TOP3A: variants seen among roughly 807,000 people sequenced by gnomAD.
TOP3A encodes DNA topoisomerase 3-alpha.
A neutral mutation model predicts 111.3 loss-of-function variants in TOP3A; 64 were observed. That is an observed-to-expected ratio of 0.57 (90% CI 0.47 to 0.71). The LOEUF is 0.71. TOP3A is among the 30% of genes least tolerant of loss of function. TOP3A has a pLI of 0.00. For missense variants in TOP3A, 1,104 were observed against 1,285.0 expected (o/e 0.86, Z 2.15); for synonymous variants, 484 against 485.1 (o/e 1.00, Z 0.03).
In TOP3A at chr17:18,314,656, T is replaced by C. The variant is rs1469329563; in HGVS notation, c.123A>G (p.Glu41=). Residue 41 remains glutamate (E), a synonymous_variant, in exon 1 of 19, where the codon GAA becomes GAG. Coordinates refer to ENST00000321105, the MANE Select transcript of TOP3A (RefSeq NM_004618.5). ...RGVRKVLCVA[E]KNDAAKGIAD... Reference sequence around the variant, plus strand: ...CGATCCCCTTGGCCGCGTCGTTTTTTTCGGCCACACAGAGGACTTTCCGCA... The same window carrying C: ...CGATCCCCTTGGCCGCGTCGTTTTTCTCGGCCACACAGAGGACTTTCCGCA... The C allele has an allele frequency of 6.2e-7, 1 of 1,613,550 alleles. No homozygotes were observed. The highest frequency in any genetic ancestry group is 1.1e-5 in the South Asian group (1 of 90,950).
At chr17:18,282,932 T>C (rs1979856739) in intron 15 of TOP3A, 91 bp from the exon 16 acceptor site, 3 of 1,525,684 alleles carry the variant, frequency 2.0e-6, no homozygotes, top group Non-Finnish European at 2.7e-6. Flanking sequence ...AGGCGTGACC[T>C]TGAGAACCAG....
In TOP3A at chr17:18,277,789, T is replaced by G. The variant is rs749928354; in HGVS notation, c.2713A>C (p.Thr905Pro). ...GGTCCATCCTTCTGCACAGTCCGTG[T>G]GACGGAGGGCTGGCTGCAAAGGCAG... Reference protein sequence around the residue: ...TSCLCSQPSVTRTVQKDGPNK... With the variant: ...TSCLCSQPSVPRTVQKDGPNK... The change falls in exon 18 of 19, where the codon ACA becomes CCA. Residue 905 changes from threonine to proline, a missense_variant. Thr to Pro is a conservative substitution (Grantham distance 38, BLOSUM62 -1). Coordinates refer to ENST00000321105, the MANE Select transcript of TOP3A (RefSeq NM_004618.5). 2 of 1,614,064 alleles carry G rather than the reference T, an allele frequency of 1.2e-6. No homozygotes were observed. Among genetic ancestry groups the G allele is most frequent in the South Asian group, 2.2e-5 (2 of 91,092 alleles).
chr17:18,288,370 C>G (rs898788829), intron 13 of TOP3A, among the ~76,000 whole-genome samples: 1 of 151,890 alleles, frequency 6.6e-6, no homozygotes, highest in African/African-American at 2.4e-5. Flanking sequence ...CCAGGCTGGT[C>G]TTGAACTCCT....
At chr17:18,283,401 T>C (rs548959751) in intron 15 of TOP3A, among the ~76,000 whole-genome samples, 1 of 151,714 alleles carries the variant, frequency 6.6e-6, no homozygotes, top group African/African-American at 2.4e-5. Flanking sequence ...ACAGGGTCCA[T>C]GTACAAACTC....
At chr17:18,314,113 G>C (rs897989470) in intron 1 of TOP3A, among the ~76,000 whole-genome samples, 2 of 152,072 alleles carry the variant, frequency 1.3e-5, no homozygotes, top group African/African-American at 2.4e-5. Context: ...TGCACTGTGA[G>C]GCTGGAAAGT....
At position 18,280,653 on chromosome 17, in the gene TOP3A, T is replaced by A; in HGVS notation, c.2027A>T (p.Tyr676Phe). Reference protein sequence around the residue: ...VLKTKKNGGFYLSCMGFPECR... With the variant: ...VLKTKKNGGFFLSCMGFPECR... ...CTCTGGGAAACCCATGCAGCTGAGG[T>A]AGAACCTGGGGACAAAGTGCCATGT... The change falls in exon 17 of 19, where the codon TAC becomes TTC. Residue 676 changes from tyrosine (Y) to phenylalanine (F), a missense_variant. Tyr to Phe is a conservative substitution (Grantham distance 22). Coordinates refer to ENST00000321105, the MANE Select transcript of TOP3A (RefSeq NM_004618.5). 1.2e-6 allele frequency: 2 copies of A among 1,613,874 alleles called. No homozygotes were observed. The highest frequency in any genetic ancestry group is 1.7e-6 in the Non-Finnish European group (2 of 1,179,886).
In TOP3A at chr17:18,278,025, T is replaced by C. The variant is rs1979501606; in HGVS notation, c.2477A>G (p.Lys826Arg). The change falls in exon 18 of 19, where the codon AAG becomes AGG. Residue 826 changes from lysine to arginine, a missense_variant. Physicochemically the swap from Lys to Arg is conservative, Grantham distance 26 (BLOSUM62 2). Coordinates refer to ENST00000321105, the MANE Select transcript of TOP3A (RefSeq NM_004618.5). Reference sequence around the variant, plus strand: ...CTGCCGGCCCCGGTTGGGGCCCTCCTTACGGACAGTGAGCAGCACAGCCTC... The same window carrying C: ...CTGCCGGCCCCGGTTGGGGCCCTCCCTACGGACAGTGAGCAGCACAGCCTC... ...GQEAVLLTVR[K>R]EGPNRGRQFF... is the part of the protein sequence containing the mutation. The C allele has an allele frequency of 1.2e-6, 2 of 1,614,178 alleles. No homozygotes were observed. The highest frequency in any genetic ancestry group is 3.3e-5 in the Admixed American group (2 of 60,034).
Position 18,280,750 on chromosome 17 carries a change from G to A in TOP3A, c.2022-92C>T, listed in dbSNP as rs190166862. On this transcript the variant is annotated intron_variant, in intron 16 of 18. Transcript: ENST00000321105. Reference sequence around the variant, plus strand: ...TAAGGCAGCCTTTCCTCAGCTGCCCGAGGACAACATTCCCTTTTCTGGATG... The same window carrying A: ...TAAGGCAGCCTTTCCTCAGCTGCCCAAGGACAACATTCCCTTTTCTGGATG... 5.1e-3 allele frequency: 7,226 copies of A among 1,430,302 alleles called. 22 individuals are homozygous for A. The highest frequency in any genetic ancestry group is 6.1e-3 in the Non-Finnish European group (6,308 of 1,035,558). 88.6% of individuals were successfully genotyped at this position (1,430,302 alleles called of 1,614,324 possible).
chr17:18,280,064 T>C (rs1979657453), intron 17 of TOP3A: 1 of 152,084 alleles, frequency 6.6e-6, no homozygotes, highest in South Asian at 2.1e-4. Context: ...GGCAGAAGAA[T>C]CACTTCAACC....
At chr17:18,305,347 A>G (rs1981494064) in intron 4 of TOP3A, 127 bp from the exon 5 acceptor site, 1 of 752,988 alleles carries the variant, frequency 1.3e-6, no homozygotes, top group African/African-American at 1.7e-5. Flanking sequence ...TGGCAAGGGA[A>G]AGAGAACAGA....
intron 1 of TOP3A, among the ~76,000 whole-genome samples, chr17:18,314,075 C>T (rs1640471390): frequency 6.6e-6 from 1 of 151,980 alleles, no homozygotes; most frequent in Non-Finnish European, 1.5e-5. Context: ...AAATCTAATC[C>T]CCAAACCTTA....
chr17:18,277,798 G>T lies in TOP3A; in HGVS notation c.2704C>A (p.Pro902Thr). 6.2e-7 allele frequency: 1 copy of T among 1,614,204 alleles called. No individual in the cohort carries two copies. The highest frequency in any genetic ancestry group is 8.5e-7 in the Non-Finnish European group (1 of 1,180,046). Residue 902 changes from proline (P) to threonine (T), a missense_variant, in exon 18 of 19, where the codon CCC (proline) becomes ACC (threonine). Coordinates refer to ENST00000321105, the MANE Select transcript of TOP3A (RefSeq NM_004618.5). ...TTCTGCACAGTCCGTGTGACGGAGG[G>T]CTGGCTGCAAAGGCAGGATGTGCCA... The part of the protein sequence containing the change: ...GSGTSCLCSQ[P>T]SVTRTVQKDG...
In TOP3A at chr17:18,278,160, G is replaced by A. The variant is rs1567733890; in HGVS notation, c.2342C>T (p.Pro781Leu). Residue 781 changes from proline (P) to leucine (L), a missense_variant, in exon 18 of 19, where the codon CCC becomes CTC. Pro to Leu is a moderately conservative substitution (Grantham distance 98). Coordinates refer to ENST00000321105, the MANE Select transcript of TOP3A (RefSeq NM_004618.5). The stretch of plus-strand genomic sequence containing the variant: ...AGTCTGTCTGCTGTCAGCAGGCTGG[G>A]GGTGCTGGCTGTTGTCCATCCTGTT... Reference protein sequence around the residue: ...SLNRMDNSQHPQPADSRQTGS... With the variant: ...SLNRMDNSQHLQPADSRQTGS... The A allele has an allele frequency of 6.2e-7, 1 of 1,614,038 alleles. No homozygotes were observed. The highest frequency in any genetic ancestry group is 1.3e-5 in the African/African-American group (1 of 74,920).
chr17:18,286,787 C>T (rs754354958), intron 13 of TOP3A, among the ~76,000 whole-genome samples: 1 of 152,118 alleles, frequency 6.6e-6, no homozygotes, highest in Non-Finnish European at 1.5e-5. Flanking sequence ...CACACAAAAC[C>T]TTGTACAAAA....
intron 9 of TOP3A, among the ~76,000 whole-genome samples, 172 bp downstream of exon 9, chr17:18,299,386 CA>C (rs1209711205): frequency 6.6e-6 from 1 of 152,080 alleles, no homozygotes; most frequent in Non-Finnish European, 1.5e-5. Context: ...ACAAAATAAA[CA>C]AAAAAACAAA....
At chr17:18,294,893 CTTCTGTCAAA>C in intron 9 of TOP3A, 108 bp from the exon 10 acceptor site, 1 of 733,104 alleles carries the variant, frequency 1.4e-6, no homozygotes, top group Non-Finnish European at 2.4e-6. Context: ...ACTCCAGGTG[CTTCTGTCAAA>C]CAGAGCTGAA....
chr17:18,299,704 C>A, intron 8 of TOP3A, 71 bp from the exon 9 acceptor site: 1 of 1,391,170 alleles, frequency 7.2e-7, no homozygotes, highest in Non-Finnish European at 1.0e-6. Context: ...TATGGATAGC[C>A]CATGCCAATC....
Position 18,294,788 on chromosome 17 carries a change from G to A in TOP3A, c.991-3C>T. ...CGAGAAGCCAGCTTCTCAAGCTCCT[G>A]TGAAATGGGTCAACAGGCATGTTAG... On this transcript the variant is annotated splice_polypyrimidine_tract_variant and splice_region_variant and intron_variant, in intron 9 of 18. Transcript: ENST00000321105. 6.2e-7 allele frequency: 1 copy of A among 1,611,132 alleles called. No individual in the cohort carries two copies. Among genetic ancestry groups the A allele is most frequent in the Non-Finnish European group, 8.5e-7 (1 of 1,177,366 alleles).
chr17:18,299,561 C>G lies in TOP3A; in HGVS notation c.988G>C (p.Val330Leu), dbSNP rs756631765. Residue 330 changes from valine (V) to leucine (L), a missense_variant and splice_region_variant, in exon 9 of 19, where the codon GTG becomes CTG. Coordinates refer to ENST00000321105, the MANE Select transcript of TOP3A (RefSeq NM_004618.5). Reference protein sequence around the residue: ...SKWRPQALDTVELEKLASRKL... With the variant: ...SKWRPQALDTLELEKLASRKL... ...GAAACAGCCTGTCTGGAACATACCA[C>G]AGTGTCCAAGGCTTGAGGCCGCCAC... 1 of 1,614,028 alleles carries G rather than the reference C, an allele frequency of 6.2e-7. No homozygotes were observed. Among genetic ancestry groups the G allele is most frequent in the Non-Finnish European group, 8.5e-7 (1 of 1,179,892 alleles).
Sources: gnomAD v4.1 joint callset for allele counts (sites outside exome capture counted in the v4.1 genomes callset) on GRCh38, gnomAD v4.1.1 for gene constraint, MANE v1.5 for transcripts, NCBI Gene and HGNC (gene_info 2026-07-23, HGNC 2026-07-21) for gene names.